AGMO: variants seen among roughly 807,000 people sequenced by gnomAD.
AGMO encodes the protein glyceryl-ether monooxygenase.
AGMO carries 75 observed loss-of-function variants against 60.2 expected under a neutral mutation model. That is an observed-to-expected ratio of 1.25 (90% CI 1.03 to 1.51). The LOEUF (loss-of-function observed/expected upper bound fraction) is 1.51. AGMO is among the 40% of genes most tolerant of loss of function. The pLI is 0.00. For synonymous variants in AGMO, 261 were observed against 177.1 expected, an observed-to-expected ratio of 1.47 and a Z score of -3.76; for missense variants, 763 against 525.5, an observed-to-expected ratio of 1.45 and a Z score of -4.42.
chr7:15,450,195 C>A (rs899410380), intron 3 of AGMO, among the ~76,000 whole-genome samples: 5 of 151,992 alleles, frequency 3.3e-5, no homozygotes, highest in African/African-American at 1.2e-4. Context: ...CCGAGGCGGG[C>A]AGATCACGAG....
chr7:15,202,851 T>C (rs1781335363), intron 12 of AGMO, among the ~76,000 whole-genome samples: 1 of 151,814 alleles, frequency 6.6e-6, no homozygotes, highest in Admixed American at 6.6e-5. Flanking sequence ...CTGGGGGGAG[T>C]ATTTTTGAAA....
intron 3 of AGMO, among the ~76,000 whole-genome samples, chr7:15,540,184 A>G (rs1199033570): frequency 6.6e-6 from 1 of 152,274 alleles, no homozygotes; most frequent in East Asian, 1.9e-4. Context: ...AGTCCCACAC[A>G]TGTACTCATA....
the AGMO span, among the ~76,000 whole-genome samples, chr7:15,145,890 T>C: frequency 6.6e-6 from 1 of 152,294 alleles, no homozygotes; most frequent in African/African-American, 2.4e-5. Context: ...TTTGGTATAG[T>C]ATGTTTTAAA....
At chr7:15,493,839 G>C (rs1429812792) in intron 3 of AGMO, among the ~76,000 whole-genome samples, 1 of 152,068 alleles carries the variant, frequency 6.6e-6, no homozygotes, top group Non-Finnish European at 1.5e-5. Context: ...CATGTGTAAT[G>C]TATGCTTCTC....
At chr7:15,186,758 A>C in the AGMO span, among the ~76,000 whole-genome samples, 1 of 152,138 alleles carries the variant, frequency 6.6e-6, no homozygotes, top group African/African-American at 2.4e-5. Context: ...ACCAGATCCC[A>C]GTTTTCTTTC....
chr7:15,175,865 G>A, the AGMO span, among the ~76,000 whole-genome samples: 2 of 151,852 alleles, frequency 1.3e-5, no homozygotes, highest in Non-Finnish European at 2.9e-5. Flanking sequence ...TTAAAAATGG[G>A]AAAGGTATTT....
intron 12 of AGMO, among the ~76,000 whole-genome samples, chr7:15,338,574 C>G (rs902600740): frequency 6.6e-6 from 1 of 152,038 alleles, no homozygotes; most frequent in African/African-American, 2.4e-5. Context: ...TACTGGGAGA[C>G]CTAGCACTGC....
At chr7:15,307,624 T>C (rs1780654492) in intron 12 of AGMO, among the ~76,000 whole-genome samples, 1 of 152,028 alleles carries the variant, frequency 6.6e-6, no homozygotes, top group African/African-American at 2.4e-5. Context: ...CCAAGGTGAT[T>C]GCTTCTATGC....
chr7:15,275,266 T>G (rs1036763697), intron 12 of AGMO, among the ~76,000 whole-genome samples: 2 of 152,156 alleles, frequency 1.3e-5, no homozygotes, highest in Non-Finnish European at 2.9e-5. Flanking sequence ...TCATTCAAGA[T>G]TTTTTTGAAT....
intron 12 of AGMO, among the ~76,000 whole-genome samples, chr7:15,320,089 A>G (rs113415878): frequency 6.9e-6 from 1 of 144,384 alleles, no homozygotes; most frequent in African/African-American, 2.7e-5. Flanking sequence ...CAGGAAGGGG[A>G]ACATCACACA....
At chr7:15,373,246 C>G (rs950245468) in intron 10 of AGMO, among the ~76,000 whole-genome samples, 2 of 151,700 alleles carry the variant, frequency 1.3e-5, no homozygotes, top group African/African-American at 4.8e-5. Flanking sequence ...CCACAGCACT[C>G]CAGCCTGGAC....
At chr7:15,314,138 A>G (rs1780845613) in intron 12 of AGMO, among the ~76,000 whole-genome samples, 1 of 152,040 alleles carries the variant, frequency 6.6e-6, no homozygotes, top group Non-Finnish European at 1.5e-5. Context: ...CATATATAGC[A>G]TGGATAAGTT....
intron 12 of AGMO, among the ~76,000 whole-genome samples, chr7:15,250,881 G>A (rs144381678): frequency 0.025 from 3,822 of 151,880 alleles, 153 homozygotes; most frequent in African/African-American, 0.088. Context: ...GGAGGCAGAC[G>A]TTGCAGTGAG....
intron 3 of AGMO, among the ~76,000 whole-genome samples, chr7:15,530,418 C>T (rs1172804011): frequency 1.5e-5 from 2 of 129,250 alleles, no homozygotes; most frequent in Non-Finnish European, 3.1e-5. Context: ...TATATATATT[C>T]TAAATACGTA....
intron 3 of AGMO, among the ~76,000 whole-genome samples, chr7:15,432,166 G>A (rs1439351684): frequency 1.3e-5 from 2 of 151,368 alleles, no homozygotes; most frequent in Non-Finnish European, 3.0e-5. Context: ...AATCTTTTAG[G>A]CTTGGATGTA....
At chr7:15,386,540 C>T (rs1783921359) in intron 9 of AGMO, among the ~76,000 whole-genome samples, 1 of 152,072 alleles carries the variant, frequency 6.6e-6, no homozygotes. Context: ...GAATTGTGAA[C>T]ATAAACGGAA....
chr7:15,289,922 A>G (rs1201917287), intron 12 of AGMO, among the ~76,000 whole-genome samples: 2 of 135,080 alleles, frequency 1.5e-5, no homozygotes, highest in African/African-American at 2.7e-5. Flanking sequence ...CACATCCAAG[A>G]GTATCATTTA....
intron 12 of AGMO, among the ~76,000 whole-genome samples, chr7:15,318,866 C>A (rs999184505): frequency 6.6e-6 from 1 of 152,132 alleles, no homozygotes; most frequent in Non-Finnish European, 1.5e-5. Context: ...ATGCTGTCCA[C>A]AAAATCCTCT....
At chr7:15,354,395 CACGTGTGTGTACACACGT>C (rs1563105214) in intron 12 of AGMO, among the ~76,000 whole-genome samples, 904 of 37,710 alleles carry the variant, frequency 0.024, 65 homozygotes, top group East Asian at 0.053. Flanking sequence ...TGTGTGTATA[CACGTGTGTGTACACACGT>C]GTGTGTATAC....
Sources: allele counts gnomAD v4.1 joint callset (sites outside exome capture counted in the v4.1 genomes callset), GRCh38; gene constraint gnomAD v4.1.1; transcripts MANE v1.5; gene names NCBI Gene and HGNC (gene_info 2026-07-23, HGNC 2026-07-21).